SLC2A14: variants seen among roughly 807,000 people sequenced by gnomAD.
SLC2A14 encodes the protein solute carrier family 2 member 14.
SLC2A14 carries 13 observed loss-of-function variants against 43.0 expected under a neutral mutation model. The ratio of observed to expected loss-of-function variants is 0.30; its 90% CI spans 0.20 to 0.48. The LOEUF is 0.48. Ranked by LOEUF, SLC2A14 falls within the 20% of genes least tolerant of loss-of-function variation. The pLI is 0.99. For missense variants in SLC2A14, 428 were observed against 620.4 expected (o/e 0.69, Z 3.29); for synonymous variants, 190 against 233.8 (o/e 0.81, Z 1.71).
chr12:7,882,341 G>A (rs976917935), intron 1 of SLC2A14, among the ~76,000 whole-genome samples: 1 of 151,914 alleles, frequency 6.6e-6, no homozygotes, highest in East Asian at 1.9e-4. Flanking sequence ...AAGGAAAAAA[G>A]TCCAAACACA....
chr12:7,830,156 TC>T, intron 4 of SLC2A14, 150 bp from the exon 5 acceptor site: 5 of 1,011,296 alleles, frequency 4.9e-6, no homozygotes, highest in Non-Finnish European at 6.6e-6. Flanking sequence ...TTCTTTTCTT[TC>T]TTTTTTTTTT....
intron 2 of SLC2A14, among the ~76,000 whole-genome samples, chr12:7,847,745 A>G (rs967086063): frequency 2.0e-5 from 3 of 152,114 alleles, no homozygotes; most frequent in South Asian, 2.1e-4. Flanking sequence ...GGATGTCATC[A>G]TCATAGAAAG....
intron 7 of SLC2A14, among the ~76,000 whole-genome samples, chr12:7,824,728 C>CA (rs59362614): frequency 0.79 from 89,814 of 113,334 alleles, 37,893 homozygotes; most frequent in Non-Finnish European, 0.94. Flanking sequence ...GACTCTGTCT[C>CA]AAAAAAAAAA....
At chr12:7,840,441 G>A (rs753766662) in intron 2 of SLC2A14, among the ~76,000 whole-genome samples, 11 of 152,104 alleles carry the variant, frequency 7.2e-5, no homozygotes, top group South Asian at 6.2e-4. Flanking sequence ...GTGCAATGGC[G>A]TGATTTCGGC....
At chr12:7,864,105 C>A (rs559903957) in intron 2 of SLC2A14, among the ~76,000 whole-genome samples, 2 of 151,922 alleles carry the variant, frequency 1.3e-5, no homozygotes, top group South Asian at 2.1e-4. Context: ...TGTCAGCCCC[C>A]GCGCCCGGCC....
At chr12:7,851,172 G>A (rs1380269894) in intron 2 of SLC2A14, among the ~76,000 whole-genome samples, 1 of 152,138 alleles carries the variant, frequency 6.6e-6, no homozygotes, top group African/African-American at 2.4e-5. Context: ...GCTACAGACT[G>A]TGCTGAAAAC....
chr12:7,820,293 G>A (rs1863806396), intron 8 of SLC2A14, among the ~76,000 whole-genome samples: 1 of 151,256 alleles, frequency 6.6e-6, no homozygotes, highest in South Asian at 2.1e-4. Context: ...ATCAAACTAG[G>A]AAACAATTTT....
intron 6 of SLC2A14, 90 bp downstream of exon 6, chr12:7,828,614 A>AG: frequency 7.5e-7 from 1 of 1,327,808 alleles, no homozygotes; most frequent in Non-Finnish European, 1.0e-6. Flanking sequence ...GGGCAGGGAA[A>AG]GGGTACGACA....
chr12:7,873,541 T>TGAGACAGGAGAATCGCTTG (rs1190506867), upstream of SLC2A14: 1 of 179,582 alleles, frequency 5.6e-6, no homozygotes, highest in Non-Finnish European at 1.1e-5. Context: ...CTTGGGAGGC[T>TGAGACAGGAGAATCGCTTG]GAGACAGGAG....
intron 1 of SLC2A14, among the ~76,000 whole-genome samples, chr12:7,881,071 G>C (rs781217615): frequency 6.6e-6 from 1 of 152,112 alleles, no homozygotes; most frequent in South Asian, 2.1e-4. Context: ...CCCGGGAGGC[G>C]GAGGTTGCAG....
chr12:7,887,189 G>A (rs892399506), intron 1 of SLC2A14, among the ~76,000 whole-genome samples: 1 of 152,022 alleles, frequency 6.6e-6, no homozygotes. Context: ...TGGGATTACA[G>A]GCATGAGCCA....
chr12:7,886,606 C>T (rs1945693075), intron 1 of SLC2A14, among the ~76,000 whole-genome samples: 1 of 151,930 alleles, frequency 6.6e-6, no homozygotes, highest in South Asian at 2.1e-4. Flanking sequence ...TCTAACTAAA[C>T]TAAGTAGTTT....
At chr12:7,854,975 A>C (rs1038091870) in intron 2 of SLC2A14, among the ~76,000 whole-genome samples, 13 of 151,576 alleles carry the variant, frequency 8.6e-5, no homozygotes, top group African/African-American at 3.2e-4. Flanking sequence ...ACGACCAGCT[A>C]ATTTTTGTAT....
At chr12:7,857,531 C>T (rs541279329) in intron 2 of SLC2A14, among the ~76,000 whole-genome samples, 7 of 151,790 alleles carry the variant, frequency 4.6e-5, no homozygotes, top group East Asian at 2.0e-4. Context: ...AAGGTTGCAG[C>T]GAGCCAAGAT....
chr12:7,883,523 C>T lies in SLC2A14; in HGVS notation c.132+7473G>A, dbSNP rs181759956. Among the ~76,000 whole-genome samples the T allele has an allele frequency of 6.3e-3, 945 of 151,090 alleles. 8 individuals carry two copies. The highest frequency in any genetic ancestry group is 0.022 in the African/African-American group (899 of 41,186). On this transcript the variant is annotated intron_variant, in intron 1 of 9. Coordinates refer to the SLC2A14 transcript ENST00000539924. ...CCTCATGATCCGCCTGCCTCGGCCT[C>T]CCAAAGTGCTGAGATTACAGGCATG...
chr12:7,842,636 T>C (rs867015169), intron 2 of SLC2A14, among the ~76,000 whole-genome samples: 12 of 152,044 alleles, frequency 7.9e-5, no homozygotes, highest in Admixed American at 1.3e-4. Flanking sequence ...ATCACCAGGC[T>C]ACCACCCCCC....
At chr12:7,828,566 A>G (rs1864704894) in intron 6 of SLC2A14, 138 bp downstream of exon 6, 2 of 952,102 alleles carry the variant, frequency 2.1e-6, no homozygotes, top group Non-Finnish European at 3.1e-6. Context: ...GAAAAAACAA[A>G]GTAGAGTAAT....
chr12:7,860,565 A>G (rs1442537842), intron 2 of SLC2A14: 1 of 152,258 alleles, frequency 6.6e-6, no homozygotes, highest in Non-Finnish European at 1.5e-5. Flanking sequence ...TCAGAGGCAC[A>G]AAGGAAAAGA....
At chr12:7,859,167 T>G (rs757186190) in intron 2 of SLC2A14, among the ~76,000 whole-genome samples, 1 of 152,222 alleles carries the variant, frequency 6.6e-6, no homozygotes, top group African/African-American at 2.4e-5. Context: ...GGAGGGCGGA[T>G]CACCTGAGGT....
Sources: gnomAD v4.1 joint callset for allele counts (sites outside exome capture counted in the v4.1 genomes callset) on GRCh38, gnomAD v4.1.1 for gene constraint, MANE v1.5 for transcripts, NCBI Gene and HGNC (gene_info 2026-07-23, HGNC 2026-07-21) for gene names.